LRP1B: variants seen among roughly 807,000 people sequenced by gnomAD.
LRP1B encodes the protein LDL receptor related protein 1B, also known as low-density lipoprotein receptor-related protein 1B.
LRP1B carries 217 observed loss-of-function variants against 556.6 expected under a neutral mutation model. That is an observed-to-expected ratio of 0.39 (90% CI 0.35 to 0.44). The LOEUF (loss-of-function observed/expected upper bound fraction) is 0.44. LRP1B is among the 20% of genes least tolerant of loss of function. The probability of loss-of-function intolerance (pLI) is 1.00; values close to 1 mark genes in which losing one functional copy is unlikely to be tolerated. For missense variants in LRP1B, 5,053 were observed against 5,620.8 expected, an observed-to-expected ratio of 0.90 and a Z score of 3.23; for synonymous variants, 2,047 against 1,865.8, an observed-to-expected ratio of 1.10 and a Z score of -2.50.
chr2:141,947,824 A>AAGAC (rs1553489522), intron 1 of LRP1B, among the ~76,000 whole-genome samples: 6 of 149,106 alleles, frequency 4.0e-5, no homozygotes, highest in Admixed American at 6.7e-5. Context: ...CAGAAAAAAA[A>AAGAC]AACAACAATA....
rs1491228405 is a variant in LRP1B, at chr2:140,483,640, A to ATATATATATAT, written c.9425+1702_9425+1703insATATATATATA. ...CATATATATATATATATATATATAT[A>ATATATATATAT]TTTTTTTTTTTTTTTTTTGAGACAC... is the stretch of plus-strand genomic sequence containing the variant. On this transcript the variant is annotated intron_variant, in intron 59 of 90. Coordinates refer to ENST00000389484, the MANE Select transcript of LRP1B (RefSeq NM_018557.3). Among the ~76,000 whole-genome samples, 252 of 70,750 alleles carry ATATATATATAT rather than the reference A, an allele frequency of 3.6e-3. 2 individuals carry two copies. Among genetic ancestry groups the ATATATATATAT allele is most frequent in the Non-Finnish European group, 5.1e-3 (203 of 39,846 alleles). 46.4% of individuals were successfully genotyped at this position (70,750 alleles called of 152,430 possible). A position where few individuals can be genotyped will look rare whatever the true frequency, so the allele number is the denominator to read the frequency against.
intron 3 of LRP1B, among the ~76,000 whole-genome samples, chr2:141,380,382 C>A (rs1689593873): frequency 6.6e-6 from 1 of 152,202 alleles, no homozygotes; most frequent in Non-Finnish European, 1.5e-5. Context: ...AACTAATAGT[C>A]TGAACAAGCA....
chr2:141,956,783 T>C (rs1680413556), intron 1 of LRP1B, among the ~76,000 whole-genome samples: 1 of 152,026 alleles, frequency 6.6e-6, no homozygotes, highest in Non-Finnish European at 1.5e-5. Context: ...CATAGATAAA[T>C]ATTGTCCAAA....
intron 43 of LRP1B, among the ~76,000 whole-genome samples, chr2:140,580,840 G>A (rs934454064): frequency 1.4e-4 from 22 of 152,078 alleles, no homozygotes; most frequent in Middle Eastern, 3.4e-3. Flanking sequence ...AGTCTATGGG[G>A]AGGGCTGCTC....
At chr2:140,554,782 A>T (rs998739869) in intron 43 of LRP1B, among the ~76,000 whole-genome samples, 1 of 151,788 alleles carries the variant, frequency 6.6e-6, no homozygotes, top group African/African-American at 2.4e-5. Context: ...TAAATGAGTG[A>T]TTAAAAAAAC....
chr2:140,561,769 A>G (rs1464331401), intron 43 of LRP1B, among the ~76,000 whole-genome samples: 1 of 152,114 alleles, frequency 6.6e-6, no homozygotes, highest in Non-Finnish European at 1.5e-5. Flanking sequence ...GAGTAACCCT[A>G]ATACCTAAAT....
chr2:141,315,421 G>A (rs1405430118), intron 3 of LRP1B, among the ~76,000 whole-genome samples: 1 of 151,232 alleles, frequency 6.6e-6, no homozygotes, highest in East Asian at 1.9e-4. Context: ...CACCATGCCT[G>A]GCTAATTTTT....
intron 2 of LRP1B, among the ~76,000 whole-genome samples, chr2:141,573,565 G>A (rs1395389393): frequency 6.7e-6 from 1 of 149,844 alleles, no homozygotes; most frequent in African/African-American, 2.5e-5. Context: ...TAATCCAAAA[G>A]CTAGCAGAAG....
intron 72 of LRP1B, 67 bp from the exon 73 acceptor site, chr2:140,359,013 C>G (rs1158144183): frequency 2.0e-6 from 3 of 1,463,722 alleles, no homozygotes; most frequent in African/African-American, 1.4e-5. Context: ...AACATTCTTC[C>G]TTTTTCTTTT....
At chr2:140,433,838 CT>C (rs1421358186) in intron 66 of LRP1B, among the ~76,000 whole-genome samples, 5 of 145,456 alleles carry the variant, frequency 3.4e-5, no homozygotes, top group Admixed American at 1.4e-4. Context: ...TTTTTTTCTT[CT>C]TTTTTTTTCT....
At chr2:141,623,109 A>T (rs893241) in intron 2 of LRP1B, among the ~76,000 whole-genome samples, 113,001 of 152,068 alleles carry the variant, frequency 0.74, 42,652 homozygotes, top group East Asian at 0.83. Flanking sequence ...TTTTCTAAAG[A>T]TACTTTACCA....
At chr2:140,654,676 A>G (rs1439999158) in intron 41 of LRP1B, among the ~76,000 whole-genome samples, 1 of 152,034 alleles carries the variant, frequency 6.6e-6, no homozygotes, top group African/African-American at 2.4e-5. Flanking sequence ...GACTGACACT[A>G]TAGATGGGAT....
At chr2:140,847,780 GA>G (rs1692320228) in intron 29 of LRP1B, among the ~76,000 whole-genome samples, 1 of 144,072 alleles carries the variant, frequency 6.9e-6, no homozygotes, top group Non-Finnish European at 1.5e-5. Context: ...AAAAAAAGAA[GA>G]AAGAAAAGAA....
intron 66 of LRP1B, among the ~76,000 whole-genome samples, chr2:140,401,044 A>T (rs1684474752): frequency 6.6e-6 from 1 of 152,162 alleles, no homozygotes; most frequent in African/African-American, 2.4e-5. Flanking sequence ...AAAATCTGTT[A>T]ACTATCTCAA....
At chr2:140,361,497 G>A (rs1024074344) in intron 72 of LRP1B, among the ~76,000 whole-genome samples, 11 of 150,326 alleles carry the variant, frequency 7.3e-5, no homozygotes, top group Non-Finnish European at 1.3e-4. Context: ...TAAGAGCAGA[G>A]ACAGAAGAAT....
chr2:140,836,175 G>A (rs1326995488), intron 31 of LRP1B, among the ~76,000 whole-genome samples: 1 of 152,088 alleles, frequency 6.6e-6, no homozygotes, highest in Non-Finnish European at 1.5e-5. Context: ...ACTCTTTAGA[G>A]TATATAAGTA....
intron 41 of LRP1B, among the ~76,000 whole-genome samples, chr2:140,646,640 T>G (rs1258164107): frequency 6.6e-6 from 1 of 152,194 alleles, no homozygotes; most frequent in Admixed American, 6.5e-5. Context: ...TTAGTTATCT[T>G]TTAAACATAA....
chr2:140,720,526 A>T (rs1286814390), intron 35 of LRP1B, among the ~76,000 whole-genome samples: 1 of 152,100 alleles, frequency 6.6e-6, no homozygotes. Flanking sequence ...ATTTATCTGT[A>T]AAACAAGGAA....
intron 2 of LRP1B, among the ~76,000 whole-genome samples, chr2:141,779,405 G>A (rs1695172855): frequency 6.8e-6 from 1 of 147,148 alleles, no homozygotes; most frequent in Non-Finnish European, 1.5e-5. Context: ...AGACAAATAT[G>A]TTCAAAATAA....
Sources: gnomAD v4.1 joint callset for allele counts (sites outside exome capture counted in the v4.1 genomes callset) on GRCh38, gnomAD v4.1.1 for gene constraint, MANE v1.5 for transcripts, NCBI Gene and HGNC (gene_info 2026-07-23, HGNC 2026-07-21) for gene names.